Variants in RPS6KC1 observed in about 807,000 individuals in gnomAD.
RPS6KC1 encodes the protein ribosomal protein S6 kinase C1, also known as inactive ribosomal protein S6 kinase delta-1.
In RPS6KC1, 54 loss-of-function variants were observed where a neutral mutation model predicts 103.8. The observed-to-expected ratio is 0.52, with a 90% CI of 0.42 to 0.65. The LOEUF (loss-of-function observed/expected upper bound fraction) is 0.65, where lower values mean the gene tolerates loss of function less well. Ranked by LOEUF, RPS6KC1 falls within the 30% of genes least tolerant of loss-of-function variation. The probability of loss-of-function intolerance (pLI) is 0.00; values close to 1 mark genes in which losing one functional copy is unlikely to be tolerated. For synonymous variants in RPS6KC1, 439 were observed against 438.7 expected (o/e 1.00, Z -0.01); for missense variants, 1,151 against 1,253.8 (o/e 0.92, Z 1.24).
the RPS6KC1 span, among the ~76,000 whole-genome samples, chr1:213,654,030 C>T: frequency 6.6e-6 from 1 of 152,222 alleles, no homozygotes; most frequent in Non-Finnish European, 1.5e-5. Context: ...GACCCTACAG[C>T]CCCCATTGTA....
Position 213,241,263 on chromosome 1 carries a change from G to T in RPS6KC1, c.1787G>T (p.Ser596Ile). The change falls in exon 11 of 15, where the codon AGC (serine) becomes ATC (isoleucine). Residue 596 changes from serine to isoleucine, a missense_variant. Physicochemically the swap from Ser to Ile is moderately radical, Grantham distance 142 (BLOSUM62 -2). Coordinates refer to ENST00000366960, the MANE Select transcript of RPS6KC1 (RefSeq NM_012424.6). ...GATTCCCTCAGTAGATCAAAAAATA[G>T]CCCCATGGAATTCTTTAGGATAGAC... Reference protein sequence around the residue: ...TSDSLSRSKNSPMEFFRIDSK... With the variant: ...TSDSLSRSKNIPMEFFRIDSK... 6.2e-7 allele frequency: 1 copy of T among 1,613,886 alleles called. No individual in the cohort carries two copies. Among genetic ancestry groups the T allele is most frequent in the Non-Finnish European group, 8.5e-7 (1 of 1,179,906 alleles).
chr1:213,386,311 A>C, the RPS6KC1 span, among the ~76,000 whole-genome samples: 8 of 151,914 alleles, frequency 5.3e-5, no homozygotes, highest in African/African-American at 9.7e-5. Context: ...GCCAAAAAAA[A>C]CCCCTCTTTT....
rs12071832 is a variant in RPS6KC1 at position 213,154,687 on chromosome 1, T to A, written c.836-13171T>A. On this transcript the variant is annotated intron_variant, in intron 6 of 14. Coordinates refer to ENST00000366960, the MANE Select transcript of RPS6KC1 (RefSeq NM_012424.6). ...TGGCCAAGGGCAGGTCCGGAAATGC[T>A]GTTCAATAGTCAAGGCCTGAAATTG... Among the ~76,000 whole-genome samples the A allele has an allele frequency of 7.0e-3, 1,071 of 152,354 alleles. 14 individuals are homozygous for A. The highest frequency in any genetic ancestry group is 0.024 in the African/African-American group (1,015 of 41,576).
At chr1:213,539,764 C>T in the RPS6KC1 span, among the ~76,000 whole-genome samples, 1 of 152,142 alleles carries the variant, frequency 6.6e-6, no homozygotes, top group East Asian at 1.9e-4. Context: ...TTTCAGTTTA[C>T]TTAGTAAGAA....
intron 8 of RPS6KC1, among the ~76,000 whole-genome samples, chr1:213,204,147 G>A (rs1356540229): frequency 6.6e-6 from 1 of 152,176 alleles, no homozygotes; most frequent in African/African-American, 2.4e-5. Context: ...CTCTTGTAGA[G>A]CACAGACCCT....
chr1:213,627,075 A>G, the RPS6KC1 span, among the ~76,000 whole-genome samples: 3 of 152,140 alleles, frequency 2.0e-5, no homozygotes, highest in Non-Finnish European at 4.4e-5. Context: ...ATGTTCTTCC[A>G]TTTGTTTGTA....
At chr1:213,712,855 C>T in the RPS6KC1 span, among the ~76,000 whole-genome samples, 1 of 152,128 alleles carries the variant, frequency 6.6e-6, no homozygotes, top group African/African-American at 2.4e-5. Context: ...ACTGTCTAAC[C>T]AGTCCCAATG....
At chr1:213,449,491 A>G in the RPS6KC1 span, among the ~76,000 whole-genome samples, 7 of 151,954 alleles carry the variant, frequency 4.6e-5, no homozygotes, top group Non-Finnish European at 2.9e-5. Flanking sequence ...GTGTGCTCCT[A>G]GTGTCTCTGC....
the RPS6KC1 span, among the ~76,000 whole-genome samples, chr1:213,616,086 A>G: frequency 2.0e-5 from 3 of 152,260 alleles, no homozygotes; most frequent in African/African-American, 7.2e-5. Flanking sequence ...GGAGTTTGGG[A>G]AAGGGCATGA....
At chr1:213,300,324 T>C in the RPS6KC1 span, among the ~76,000 whole-genome samples, 3 of 152,166 alleles carry the variant, frequency 2.0e-5, no homozygotes, top group African/African-American at 7.2e-5. Flanking sequence ...GGCAACCATA[T>C]TGGGTGGTGT....
chr1:213,233,976 C>T (rs903221171), intron 10 of RPS6KC1, among the ~76,000 whole-genome samples: 1 of 150,106 alleles, frequency 6.7e-6, no homozygotes, highest in Non-Finnish European at 1.5e-5. Flanking sequence ...GAGTAGGCTC[C>T]TTTTTAGGTG....
At chr1:213,669,368 G>A in the RPS6KC1 span, among the ~76,000 whole-genome samples, 1 of 152,118 alleles carries the variant, frequency 6.6e-6, no homozygotes, top group Non-Finnish European at 1.5e-5. Context: ...AAGGGGGGTG[G>A]CCAGTGGGCA....
intron 14 of RPS6KC1, among the ~76,000 whole-genome samples, chr1:213,270,648 G>A (rs1237941400): frequency 1.3e-5 from 2 of 151,902 alleles, no homozygotes; most frequent in East Asian, 1.9e-4. Context: ...TTTAAAGAAG[G>A]AAAATGAAGA....
chr1:213,723,953 C>T, the RPS6KC1 span, among the ~76,000 whole-genome samples: 1 of 152,014 alleles, frequency 6.6e-6, no homozygotes, highest in African/African-American at 2.4e-5. Context: ...TTGGGGGGGA[C>T]AGTGTCATCT....
the RPS6KC1 span, among the ~76,000 whole-genome samples, chr1:213,363,452 C>G: frequency 6.6e-6 from 1 of 152,208 alleles, no homozygotes; most frequent in African/African-American, 2.4e-5. Flanking sequence ...ACTCTGCCAT[C>G]ATTAGGGAAG....
chr1:213,544,617 T>G, the RPS6KC1 span, among the ~76,000 whole-genome samples: 1 of 152,150 alleles, frequency 6.6e-6, no homozygotes, highest in Non-Finnish European at 1.5e-5. Context: ...TTGCACACCA[T>G]GTTTTTCACA....
At chr1:213,408,403 T>A in the RPS6KC1 span, among the ~76,000 whole-genome samples, 1 of 152,240 alleles carries the variant, frequency 6.6e-6, no homozygotes, top group Admixed American at 6.5e-5. Flanking sequence ...TTGGTTAGGC[T>A]GCAGTACCTA....
chr1:213,201,056 C>T (rs2093144287), intron 8 of RPS6KC1, among the ~76,000 whole-genome samples: 1 of 152,150 alleles, frequency 6.6e-6, no homozygotes, highest in South Asian at 2.1e-4. Context: ...ATAATCTGTA[C>T]AACAGACCCC....
intron 3 of RPS6KC1, among the ~76,000 whole-genome samples, chr1:213,099,710 T>C (rs2081840410): frequency 6.6e-6 from 1 of 152,202 alleles, no homozygotes; most frequent in African/African-American, 2.4e-5. Flanking sequence ...TATATATTAG[T>C]TTTGTACATC....
Sources: gnomAD v4.1 joint callset for allele counts (sites outside exome capture counted in the v4.1 genomes callset) on GRCh38, gnomAD v4.1.1 for gene constraint, MANE v1.5 for transcripts, NCBI Gene and HGNC (gene_info 2026-07-23, HGNC 2026-07-21) for gene names.